Variants in SIPA1L1 observed in about 807,000 individuals in gnomAD.
SIPA1L1 encodes signal-induced proliferation-associated 1-like protein 1.
SIPA1L1 carries 26 observed loss-of-function variants against 162.7 expected under a neutral mutation model. The observed-to-expected ratio is 0.16, with a 90% CI of 0.12 to 0.22. SIPA1L1 has a LOEUF of 0.22. Ranked by LOEUF, SIPA1L1 falls within the 10% of genes least tolerant of loss-of-function variation. SIPA1L1 has a pLI of 1.00. For missense variants in SIPA1L1, 1,874 were observed against 2,241.0 expected (o/e 0.84, Z 3.31); for synonymous variants, 829 against 837.4 (o/e 0.99, Z 0.17).
At chr14:71,559,782 T>G (rs1040689527) in intron 4 of SIPA1L1, among the ~76,000 whole-genome samples, 11 of 152,116 alleles carry the variant, frequency 7.2e-5, no homozygotes, top group Non-Finnish European at 1.0e-4. Flanking sequence ...GCATGTTTTC[T>G]AACTATTGAA....
At chr14:71,469,818 A>G (rs530056470) in intron 2 of SIPA1L1, among the ~76,000 whole-genome samples, 2 of 152,346 alleles carry the variant, frequency 1.3e-5, no homozygotes, top group South Asian at 2.1e-4. Context: ...GTTGTTTCCA[A>G]TAAAAACAAA....
At chr14:71,682,486 T>C (rs889227930) in intron 12 of SIPA1L1, among the ~76,000 whole-genome samples, 1 of 152,246 alleles carries the variant, frequency 6.6e-6, no homozygotes, top group African/African-American at 2.4e-5. Context: ...GGCGAGTAGC[T>C]GAAGTTTAGC....
At chr14:71,710,316 G>A (rs944646627) in intron 17 of SIPA1L1, among the ~76,000 whole-genome samples, 5 of 152,096 alleles carry the variant, frequency 3.3e-5, no homozygotes, top group African/African-American at 7.2e-5. Flanking sequence ...ACTATTTGTC[G>A]TTTCCTCTTG....
chr14:71,426,739 G>A (rs1023918372), intron 2 of SIPA1L1, among the ~76,000 whole-genome samples: 1 of 152,010 alleles, frequency 6.6e-6, no homozygotes, highest in African/African-American at 2.4e-5. Context: ...TGATCTGCCT[G>A]CCCTGGCCTC....
intron 7 of SIPA1L1, among the ~76,000 whole-genome samples, chr14:71,643,776 AC>A (rs1224566122): frequency 2.6e-5 from 4 of 152,178 alleles, no homozygotes; most frequent in African/African-American, 9.7e-5. Flanking sequence ...CTTTGATATA[AC>A]ACCAAAACTC....
intron 6 of SIPA1L1, among the ~76,000 whole-genome samples, 190 bp downstream of exon 6, chr14:71,619,077 A>G (rs1314317795): frequency 2.0e-5 from 3 of 152,164 alleles, no homozygotes; most frequent in East Asian, 1.9e-4. Context: ...TCTTCTTTTC[A>G]TCAGACTCTG....
At chr14:71,571,839 AGATGGGGTTTCACC>A (rs1488369408) in intron 4 of SIPA1L1, among the ~76,000 whole-genome samples, 1 of 145,984 alleles carries the variant, frequency 6.9e-6, no homozygotes, top group Admixed American at 6.9e-5. Flanking sequence ...TTTTTAGTAG[AGATGGGGTTTCACC>A]GTGTTAGCCA....
chr14:71,629,816 TATTTA>T (rs2040393480), intron 7 of SIPA1L1, among the ~76,000 whole-genome samples: 1 of 152,258 alleles, frequency 6.6e-6, no homozygotes, highest in Admixed American at 6.5e-5. Context: ...AAAGTGATCA[TATTTA>T]ATTTAACTCT....
chr14:71,542,361 C>G (rs1032883361), intron 4 of SIPA1L1, among the ~76,000 whole-genome samples: 2 of 129,908 alleles, frequency 1.5e-5, no homozygotes, highest in African/African-American at 5.8e-5. Context: ...CCTCTTTCTT[C>G]TTCTTCCTGC....
intron 4 of SIPA1L1, among the ~76,000 whole-genome samples, chr14:71,547,953 A>G (rs1190462027): frequency 6.6e-6 from 1 of 152,222 alleles, no homozygotes; most frequent in East Asian, 1.9e-4. Flanking sequence ...CTGAGGCACA[A>G]GAATCCCTTG....
rs2042515815 is a variant in SIPA1L1 at position 71,413,015 on chromosome 14, G to A, written c.-465+91834G>A. On this transcript the variant is annotated intron_variant, in intron 2 of 23. Coordinates refer to ENST00000381232, the MANE Select transcript of SIPA1L1 (RefSeq NM_001386936.1). ...AAATATGCAGTGTTTGGTTTCTTCG[G>A]AACAGGGTTTCTAAACCTCACCAGT... 2.0e-5 allele frequency among the ~76,000 whole-genome samples: 3 copies of A among 152,168 alleles called. No homozygotes were observed. In the South Asian group the frequency reaches 6.2e-4, roughly 32 times the overall value.
At chr14:71,458,902 G>A (rs573739032) in intron 2 of SIPA1L1, among the ~76,000 whole-genome samples, 2 of 151,964 alleles carry the variant, frequency 1.3e-5, no homozygotes, top group Non-Finnish European at 1.5e-5. Context: ...CTGAAACCCC[G>A]TCTGTACTAA....
At chr14:71,536,698 G>A (rs2145591112) in intron 4 of SIPA1L1, among the ~76,000 whole-genome samples, 1 of 152,304 alleles carries the variant, frequency 6.6e-6, no homozygotes. Flanking sequence ...TAGCTTGCTG[G>A]ATTTCACTTC....
chr14:71,587,836 C>G lies in SIPA1L1; in HGVS notation c.-37C>G. ...CATTTAAAACACAGATATGATGGTC[C>G]TTGCTGCAGGGATTTAAGTCTACTT... On this transcript the variant is annotated 5_prime_UTR_variant, in exon 5 of 24. Transcript: ENST00000381232. The G allele has an allele frequency of 6.4e-7, 1 of 1,563,646 alleles. No individual in the cohort carries two copies. Among genetic ancestry groups the G allele is most frequent in the Non-Finnish European group, 8.7e-7 (1 of 1,147,932 alleles).
intron 2 of SIPA1L1, among the ~76,000 whole-genome samples, chr14:71,492,761 T>A (rs2049388974): frequency 6.6e-6 from 1 of 151,504 alleles, no homozygotes; most frequent in Non-Finnish European, 1.5e-5. Flanking sequence ...GCTGGGACCA[T>A]GGGCATATGC....
chr14:71,522,052 T>C (rs1183299425), intron 3 of SIPA1L1, among the ~76,000 whole-genome samples: 1 of 152,194 alleles, frequency 6.6e-6, no homozygotes, highest in African/African-American at 2.4e-5. Context: ...AAAATCTTGG[T>C]TTTGTTTGCC....
intron 4 of SIPA1L1, among the ~76,000 whole-genome samples, chr14:71,580,188 G>C (rs1197516078): frequency 1.3e-5 from 2 of 152,170 alleles, no homozygotes; most frequent in African/African-American, 4.8e-5. Flanking sequence ...TTCTTCCCCA[G>C]TATGCGATTC....
intron 4 of SIPA1L1, among the ~76,000 whole-genome samples, chr14:71,583,571 T>A (rs768077523): frequency 4.0e-5 from 6 of 151,870 alleles, no homozygotes; most frequent in South Asian, 2.1e-4. Flanking sequence ...TTCCCACATC[T>A]TCTTCTTGTA....
chr14:71,540,502 A>T (rs2054281364), intron 4 of SIPA1L1, among the ~76,000 whole-genome samples: 1 of 152,114 alleles, frequency 6.6e-6, no homozygotes, highest in Admixed American at 6.5e-5. Flanking sequence ...GCAATATAGC[A>T]AGACCGCATC....
Sources: gnomAD v4.1 joint callset for allele counts (sites outside exome capture counted in the v4.1 genomes callset) on GRCh38, gnomAD v4.1.1 for gene constraint, MANE v1.5 for transcripts, NCBI Gene and HGNC (gene_info 2026-07-23, HGNC 2026-07-21) for gene names.